RASA1: variants seen among roughly 807,000 people sequenced by gnomAD.
RASA1 encodes the protein RAS p21 protein activator 1.
RASA1 carries 25 observed loss-of-function variants against 132.2 expected under a neutral mutation model. That is an observed-to-expected ratio of 0.19 (90% confidence interval 0.14 to 0.26). The LOEUF (loss-of-function observed/expected upper bound fraction) is 0.26, where lower values mean the gene tolerates loss of function less well. Among genes scored for constraint, RASA1 ranks in the 10% least tolerant of loss-of-function variants. RASA1 has a pLI of 1.00. For synonymous variants in RASA1, 477 were observed against 449.9 expected (o/e 1.06, Z -0.76); for missense variants, 964 against 1,299.2 (o/e 0.74, Z 3.97).
At chr5:87,295,148 A>G (rs1755064534) in intron 1 of RASA1, among the ~76,000 whole-genome samples, 3 of 152,180 alleles carry the variant, frequency 2.0e-5, no homozygotes, top group Admixed American at 1.3e-4. Flanking sequence ...TCTGAAATTA[A>G]TATAGCTGCT....
chr5:87,289,686 C>T (rs1754829387), intron 1 of RASA1, among the ~76,000 whole-genome samples: 1 of 152,160 alleles, frequency 6.6e-6, no homozygotes, highest in African/African-American at 2.4e-5. Flanking sequence ...TCACTGTTCA[C>T]TGCAGCCTCA....
intron 15 of RASA1, chr5:87,376,124 T>A: frequency 6.2e-6 from 3 of 485,668 alleles, no homozygotes; most frequent in East Asian, 3.9e-5. Flanking sequence ...GAAACATAAT[T>A]GATTTCTTGC....
intron 12 of RASA1, among the ~76,000 whole-genome samples, chr5:87,371,684 C>T (rs1245954257): frequency 1.3e-5 from 2 of 152,036 alleles, no homozygotes; most frequent in Admixed American, 6.6e-5. Flanking sequence ...ATCACATTAT[C>T]AGTTGGTTTT....
chr5:87,333,637 A>G (rs1024531522), intron 4 of RASA1, among the ~76,000 whole-genome samples: 2 of 152,176 alleles, frequency 1.3e-5, no homozygotes, highest in African/African-American at 4.8e-5. Context: ...AATTTTTGTT[A>G]CCATGTGACA....
At chr5:87,385,523 TGTTTTTAAA>T in intron 22 of RASA1, 134 bp downstream of exon 22, 1 of 725,574 alleles carries the variant, frequency 1.4e-6, no homozygotes. Flanking sequence ...TTGGTATGTT[TGTTTTTAAA>T]GTAGCTTGTT....
chr5:87,354,252 A>G (rs921021591), intron 9 of RASA1, among the ~76,000 whole-genome samples: 1 of 152,086 alleles, frequency 6.6e-6, no homozygotes, highest in African/African-American at 2.4e-5. Context: ...GCATTGCCTT[A>G]TTATGTTTCA....
rs1233811272 is a variant in RASA1, at chr5:87,333,325, C to T, written c.887C>T (p.Thr296Ile). 6.2e-7 allele frequency: 1 copy of T among 1,612,972 alleles called. No individual in the cohort carries two copies. Among genetic ancestry groups the T allele is most frequent in the Non-Finnish European group, 8.5e-7 (1 of 1,179,406 alleles). ...AILPYTKVPDTDEISFLKGDM... is the reference protein window; with the variant it reads ...AILPYTKVPDIDEISFLKGDM... ...CTACCTTACACAAAAGTACCAGACA[C>T]TGATGAAATAAGGTATTTTATAATC... The change falls in exon 4 of 25, where the codon ACT (threonine) becomes ATT (isoleucine). Residue 296 changes from threonine (T) to isoleucine (I), a missense_variant. Thr to Ile is a moderately conservative substitution (Grantham distance 89). This residue lies in a region of RASA1 where 154 missense variants were observed against 286.5 expected (regional missense o/e 0.54). Transcript: ENST00000274376.
chr5:87,268,891 G>T lies in RASA1; in HGVS notation c.440G>T (p.Gly147Val), dbSNP rs1256817909. The part of the protein sequence containing the change: ...LPPPPYLPPL[G>V]AGLGTVDEGD... ...CCTCCCCCTTACCTGCCCCCTTTGG[G>T]GGCGGGCCTCGGGACAGTGGACGAA... Residue 147 changes from glycine to valine, a missense_variant, in exon 1 of 25, where the codon GGG becomes GTG. By Grantham distance (109) the Gly-to-Val change is moderately radical. Transcript: ENST00000274376. 9.3e-6 allele frequency: 15 copies of T among 1,614,078 alleles called. No individual in the cohort carries two copies.
At chr5:87,282,452 C>G (rs986064175) in intron 1 of RASA1, among the ~76,000 whole-genome samples, 2 of 152,148 alleles carry the variant, frequency 1.3e-5, no homozygotes, top group Non-Finnish European at 2.9e-5. Flanking sequence ...TGGTGTTCCC[C>G]TATAAGGTAA....
At chr5:87,334,223 T>C (rs781650273) in intron 4 of RASA1, among the ~76,000 whole-genome samples, 1 of 152,176 alleles carries the variant, frequency 6.6e-6, no homozygotes, top group African/African-American at 2.4e-5. Flanking sequence ...TCTGAAGACC[T>C]GAGAACCAGG....
intron 8 of RASA1, among the ~76,000 whole-genome samples, chr5:87,350,973 G>A (rs1759222005): frequency 6.6e-6 from 1 of 151,526 alleles, no homozygotes; most frequent in African/African-American, 2.4e-5. Flanking sequence ...ATAATTCCTA[G>A]GAAGATAAAT....
chr5:87,380,677 TCAA>T, intron 20 of RASA1, 82 bp downstream of exon 20: 1 of 1,256,958 alleles, frequency 8.0e-7, no homozygotes, highest in Non-Finnish European at 1.2e-6. Flanking sequence ...AATATACAAT[TCAA>T]TGCTTTTTTC....
chr5:87,328,284 T>A (rs942163602), intron 1 of RASA1, among the ~76,000 whole-genome samples: 2 of 151,416 alleles, frequency 1.3e-5, no homozygotes, highest in African/African-American at 4.9e-5. Flanking sequence ...ATGATTCTTA[T>A]GCTTATGTTT....
At chr5:87,366,407 T>G (rs1210035472) in intron 11 of RASA1, 1 of 399,530 alleles carries the variant, frequency 2.5e-6, no homozygotes, top group Non-Finnish European at 5.1e-6. Context: ...ACATTACACT[T>G]GATGGTAAAA....
In RASA1 at chr5:87,385,304, C is replaced by T. The variant is rs574953066; in HGVS notation, c.2762C>T (p.Ser921Phe). Residue 921 changes from serine to phenylalanine, a missense_variant, in exon 22 of 25, where the codon TCT becomes TTT. Physicochemically the swap from Ser to Phe is radical, Grantham distance 155. Transcript: ENST00000274376. ...NPRMFNIISD[S>F]PSPIAARTLI... is the part of the protein sequence containing the mutation. ...GCTGTGCCCAATTCTGTTACAGATT[C>T]TCCATCTCCTATTGCTGCAAGAACA... is the stretch of plus-strand genomic sequence containing the variant. The T allele has an allele frequency of 6.2e-7, 1 of 1,601,978 alleles. No homozygotes were observed. Among genetic ancestry groups the T allele is most frequent in the South Asian group, 1.1e-5 (1 of 90,768 alleles).
chr5:87,346,347 ACTC>A (rs1408824300), intron 6 of RASA1, among the ~76,000 whole-genome samples: 2 of 151,460 alleles, frequency 1.3e-5, no homozygotes, highest in Non-Finnish European at 2.9e-5. Context: ...TATCTGTACT[ACTC>A]CTCCTTCCCC....
rs145752823 is a variant in RASA1 at position 87,389,991 on chromosome 5, C to T, written c.3060+464C>T. ...CTGAAGTGTGGCCTTGAAAGCTGCA[C>T]GTCTAACAAACTCTTAGAGGAATTT... On this transcript the variant is annotated intron_variant, in intron 24 of 24. Transcript: ENST00000274376. Among the ~76,000 whole-genome samples the T allele has an allele frequency of 7.7e-4, 117 of 152,188 alleles. 2 individuals are homozygous for T. In the East Asian group the frequency reaches 0.019, roughly 25 times the overall value.
At chr5:87,377,117 T>C in intron 17 of RASA1, 77 bp downstream of exon 17, 2 of 1,492,414 alleles carry the variant, frequency 1.3e-6, no homozygotes, top group Non-Finnish European at 1.9e-6. Flanking sequence ...ACTCTATCTC[T>C]GAATATACTA....
At chr5:87,319,950 G>A (rs1228179099) in intron 1 of RASA1, among the ~76,000 whole-genome samples, 5 of 152,098 alleles carry the variant, frequency 3.3e-5, no homozygotes, top group Non-Finnish European at 7.4e-5. Context: ...TATACTTTTA[G>A]AAAAATACCA....
Sources: gnomAD v4.1 joint callset for allele counts (sites outside exome capture counted in the v4.1 genomes callset) on GRCh38, gnomAD v4.1.1 for gene constraint, gnomAD v4.1.1 regional missense constraint, MANE v1.5 for transcripts, NCBI Gene and HGNC (gene_info 2026-07-23, HGNC 2026-07-21) for gene names.